The following MYH16 variants were observed in gnomAD, a reference collection of about 807,000 sequenced individuals.
MYH16 encodes the protein myosin heavy chain 16, also known as putative uncharacterized protein MYH16.
intron 20 of MYH16, among the ~76,000 whole-genome samples, chr7:99,274,880 GC>G (rs1291745840): frequency 1.3e-5 from 2 of 151,862 alleles, no homozygotes; most frequent in Non-Finnish European, 2.9e-5. Context: ...TACCATGCTG[GC>G]CAGGCTGGTC....
chr7:99,291,190 C>T (rs890045052), intron 30 of MYH16, 133 bp from the exon 12 acceptor site: 4 of 366,162 alleles, frequency 1.1e-5, no homozygotes, highest in Non-Finnish European at 2.1e-5. Context: ...ATCTACTGTG[C>T]TCCCCATTCC....
chr7:99,295,358 C>G (rs1180303304), intron 33 of MYH16, among the ~76,000 whole-genome samples: 1 of 151,508 alleles, frequency 6.6e-6, no homozygotes, highest in Admixed American at 6.6e-5. Flanking sequence ...GCCTAGGTGA[C>G]AGAGCGAGAC....
chr7:99,276,549 A>G (rs572778747), intron 20 of MYH16, among the ~76,000 whole-genome samples: 1 of 152,386 alleles, frequency 6.6e-6, no homozygotes, highest in Non-Finnish European at 1.5e-5. Context: ...AGAAGGGCCA[A>G]GTGCACAGAG....
chr7:99,279,451 C>T (rs1486270692), intron 21 of MYH16, 59 bp from the exon 4 acceptor site: 5 of 441,052 alleles, frequency 1.1e-5, no homozygotes, highest in South Asian at 8.0e-5. Context: ...GCTTGTCCAG[C>T]GTCTTGGTGT....
Sources: allele counts gnomAD v4.1 joint callset (sites outside exome capture counted in the v4.1 genomes callset), GRCh38; gene constraint gnomAD v4.1.1; transcripts MANE v1.5; gene names NCBI Gene and HGNC (gene_info 2026-07-23, HGNC 2026-07-21).